Variants in ZCCHC17 observed in about 807,000 individuals in gnomAD.
The protein encoded by ZCCHC17 is zinc finger CCHC domain-containing protein 17.
In ZCCHC17, 18 loss-of-function variants were observed where a neutral mutation model predicts 30.6. The observed-to-expected ratio is 0.59, with a 90% CI of 0.41 to 0.87. ZCCHC17 has a LOEUF of 0.87. Among genes scored for constraint, ZCCHC17 ranks in the 40% least tolerant of loss-of-function variants. ZCCHC17 has a pLI of 0.00. For synonymous variants in ZCCHC17, 88 were observed against 92.4 expected (o/e 0.95, Z 0.27); for missense variants, 263 against 284.2 (o/e 0.93, Z 0.54).
chr1:31,350,801 C>T (rs1162197345), intron 7 of ZCCHC17, among the ~76,000 whole-genome samples: 1 of 152,096 alleles, frequency 6.6e-6, no homozygotes, highest in Non-Finnish European at 1.5e-5. Flanking sequence ...AGGGTTTCAC[C>T]ATGTTGGCCA....
chr1:31,307,745 T>C (rs1646500707), intron 1 of ZCCHC17, among the ~76,000 whole-genome samples: 1 of 152,038 alleles, frequency 6.6e-6, no homozygotes, highest in African/African-American at 2.4e-5. Context: ...CGGCTCATTT[T>C]TTGTATTTTA....
At chr1:31,321,286 C>T (rs777062955) in intron 3 of ZCCHC17, among the ~76,000 whole-genome samples, 13 of 151,978 alleles carry the variant, frequency 8.6e-5, no homozygotes, top group Non-Finnish European at 1.2e-4. Context: ...AACCATCATT[C>T]GCTGGGCACT....
intron 3 of ZCCHC17, among the ~76,000 whole-genome samples, chr1:31,329,941 T>C (rs6685960): frequency 0.093 from 14,090 of 152,232 alleles, 2,208 homozygotes; most frequent in African/African-American, 0.32. Flanking sequence ...AAGCGTTTAG[T>C]AAATGTTTTA....
chr1:31,343,813 A>G (rs927179210), intron 5 of ZCCHC17, among the ~76,000 whole-genome samples: 3 of 149,436 alleles, frequency 2.0e-5, no homozygotes, highest in African/African-American at 7.4e-5. Context: ...CCAAGTAGCC[A>G]AGACTATAGG....
intron 3 of ZCCHC17, among the ~76,000 whole-genome samples, chr1:31,322,756 C>T (rs1204016564): frequency 6.7e-6 from 1 of 149,194 alleles, no homozygotes; most frequent in Non-Finnish European, 1.5e-5. Flanking sequence ...GAATCTAGCT[C>T]TGTTGCCCAG....
At chr1:31,340,381 A>T (rs886184757) in intron 5 of ZCCHC17, among the ~76,000 whole-genome samples, 3 of 139,300 alleles carry the variant, frequency 2.2e-5, no homozygotes, top group African/African-American at 5.2e-5. Context: ...GCAATGGCAC[A>T]ATCTCGGCTC....
chr1:31,299,982 C>T (rs1646268922), intron 1 of ZCCHC17, among the ~76,000 whole-genome samples: 1 of 152,176 alleles, frequency 6.6e-6, no homozygotes, highest in African/African-American at 2.4e-5. Context: ...TAGAGGATTT[C>T]TGTTTATCCT....
At chr1:31,313,706 C>T (rs546374151) in intron 2 of ZCCHC17, among the ~76,000 whole-genome samples, 1 of 152,226 alleles carries the variant, frequency 6.6e-6, no homozygotes, top group South Asian at 2.1e-4. Flanking sequence ...GGAAGTGTAG[C>T]ACTGGAGGTG....
intron 1 of ZCCHC17, 31 bp from the exon 2 acceptor site, chr1:31,310,013 C>A: frequency 7.6e-7 from 1 of 1,307,772 alleles, no homozygotes; most frequent in Non-Finnish European, 1.1e-6. Flanking sequence ...GCAGATATCT[C>A]TCTAATTGGT....
chr1:31,318,024 G>A, intron 2 of ZCCHC17: 1 of 567,028 alleles, frequency 1.8e-6, no homozygotes. Flanking sequence ...TCTATTGGAT[G>A]GGAATAATAG....
At chr1:31,302,059 C>G (rs1646326036) in intron 1 of ZCCHC17, among the ~76,000 whole-genome samples, 1 of 152,130 alleles carries the variant, frequency 6.6e-6, no homozygotes, top group African/African-American at 2.4e-5. Context: ...GAAACCATGT[C>G]TCTACTAAAA....
At chr1:31,330,140 T>C (rs1638526002) in intron 3 of ZCCHC17, among the ~76,000 whole-genome samples, 1 of 152,206 alleles carries the variant, frequency 6.6e-6, no homozygotes, top group African/African-American at 2.4e-5. Flanking sequence ...CTCTAATGAT[T>C]TGAGATTTTC....
intron 2 of ZCCHC17, among the ~76,000 whole-genome samples, chr1:31,311,840 A>T (rs1646612071): frequency 6.6e-6 from 1 of 152,212 alleles, no homozygotes; most frequent in Non-Finnish European, 1.5e-5. Context: ...GGGTATTAAG[A>T]GGTGGTATTA....
At chr1:31,312,280 A>G (rs1347631450) in intron 2 of ZCCHC17, among the ~76,000 whole-genome samples, 9 of 152,190 alleles carry the variant, frequency 5.9e-5, no homozygotes, top group African/African-American at 1.9e-4. Flanking sequence ...ATTTAATTAT[A>G]TACTTGTTTA....
intron 2 of ZCCHC17, among the ~76,000 whole-genome samples, chr1:31,312,322 C>T (rs2148417509): frequency 6.6e-6 from 1 of 152,226 alleles, no homozygotes; most frequent in Middle Eastern, 3.4e-3. Context: ...CACTAAGCTC[C>T]ATGAGGGCTG....
chr1:31,332,247 A>G (rs888505970), intron 3 of ZCCHC17, among the ~76,000 whole-genome samples: 2 of 152,216 alleles, frequency 1.3e-5, no homozygotes, highest in Non-Finnish European at 2.9e-5. Context: ...CTGCACTTAT[A>G]TCTACAGTTC....
At chr1:31,301,559 T>C (rs982726504) in intron 1 of ZCCHC17, among the ~76,000 whole-genome samples, 1 of 152,162 alleles carries the variant, frequency 6.6e-6, no homozygotes. Context: ...CACTCAAATA[T>C]TAGCTATTAT....
intron 2 of ZCCHC17, 32 bp downstream of exon 2, chr1:31,310,196 T>A: frequency 6.2e-7 from 1 of 1,609,038 alleles, no homozygotes; most frequent in Middle Eastern, 1.7e-4. Flanking sequence ...AAACCCACCA[T>A]TTATGTTAAA....
intron 7 of ZCCHC17, among the ~76,000 whole-genome samples, chr1:31,351,755 C>A (rs1639478016): frequency 1.3e-5 from 2 of 152,176 alleles, no homozygotes; most frequent in Non-Finnish European, 2.9e-5. Flanking sequence ...ACAACAACAA[C>A]AAAACCACCT....
Sources: allele counts gnomAD v4.1 joint callset (sites outside exome capture counted in the v4.1 genomes callset), GRCh38; gene constraint gnomAD v4.1.1; transcripts MANE v1.5; gene names NCBI Gene and HGNC (gene_info 2026-07-23, HGNC 2026-07-21).